The following TRIM56 variants were observed in gnomAD, a reference collection of about 807,000 sequenced individuals.
TRIM56 encodes tripartite motif containing 56.
Under a neutral mutation model 17.1 loss-of-function variants are expected in TRIM56, and 10 were observed. That is an observed-to-expected ratio of 0.58 (90% CI 0.36 to 0.99). TRIM56 has a LOEUF of 0.99. Ranked by LOEUF, TRIM56 falls within the 50% of genes least tolerant of loss-of-function variation. The probability of loss-of-function intolerance (pLI) is 0.01; values close to 1 mark genes in which losing one functional copy is unlikely to be tolerated. For synonymous variants in TRIM56, 503 were observed against 473.5 expected (o/e 1.06, Z -0.81); for missense variants, 923 against 1,052.3 (o/e 0.88, Z 1.70).
chr7:101,090,623 A>C lies in TRIM56; in HGVS notation c.*1043A>C, dbSNP rs554311583. The C allele has an allele frequency of 5.0e-4, 75 of 151,074 alleles. 2 individuals carry two copies. In the South Asian group the frequency reaches 8.8e-3, roughly 18 times the overall value. The allele number at this position is 151,074 out of a possible 1,614,324, so 9.4% of individuals were successfully genotyped here. On this transcript the variant is annotated 3_prime_UTR_variant, in exon 3 of 3. Transcript: ENST00000306085. The stretch of plus-strand genomic sequence containing the variant: ...CCCATCTCGAAAAAAAAAAAAAAAA[A>C]AAAAAACAGAAACAACAGAAAAAGC...
chr7:101,089,085 CCACGCGGTG>C lies in TRIM56; in HGVS notation c.1774_1782del (p.His592_Val594del). On this transcript the variant is annotated inframe_deletion, in exon 3 of 3. Coordinates refer to ENST00000306085, the MANE Select transcript of TRIM56 (RefSeq NM_030961.3). The stretch of plus-strand genomic sequence containing the variant: ...GGGCCCTGAGCCTCTCCCAGGCCAG[CCACGCGGTG>C]GCGGCACTGCCTAGCGGGGACCGCG... 6.3e-7 allele frequency: 1 copy of C among 1,598,184 alleles called. No individual in the cohort carries two copies. The highest frequency in any genetic ancestry group is 8.5e-7 in the Non-Finnish European group (1 of 1,174,570).
rs1795568213 is a variant in TRIM56, at chr7:101,091,757, C to A, written c.*2177C>A. 6.8e-6 allele frequency: 3 copies of A among 441,472 alleles called. No individual in the cohort carries two copies. Among genetic ancestry groups the A allele is most frequent in the Non-Finnish European group, 1.3e-5 (3 of 223,742 alleles). The allele number at this position is 441,472 out of a possible 1,614,324, so 27.3% of individuals were successfully genotyped here. ...AAAAAGAAAAAGAAAAGAAAGAAAA[C>A]CAAGGTCCCTCTCCCTCTCCCTCTC... On this transcript the variant is annotated 3_prime_UTR_variant, in exon 3 of 3. Coordinates refer to ENST00000306085, the MANE Select transcript of TRIM56 (RefSeq NM_030961.3).
chr7:101,089,220 G>A lies in TRIM56; in HGVS notation c.1908G>A (p.Ala636=), dbSNP rs201121649. 4.3e-4 allele frequency: 696 copies of A among 1,613,734 alleles called. No individual in the cohort carries two copies. The highest frequency in any genetic ancestry group is 5.6e-4 in the Non-Finnish European group (662 of 1,179,762). Residue 636 remains alanine (A), a synonymous_variant, in exon 3 of 3, where the codon GCG becomes GCA. Coordinates refer to ENST00000306085, the MANE Select transcript of TRIM56 (RefSeq NM_030961.3). ...GCAAGGCCAGCCGGGGCCTGCGGGC[G>A]CTGGTGTTTCTGACCACCAGCCCCC... The part of the protein sequence containing the change: ...PGGKASRGLR[A]LVFLTTSPQG...
chr7:101,092,757 T>TG lies in TRIM56; in HGVS notation c.*3183dup, dbSNP rs918076577. On this transcript the variant is annotated 3_prime_UTR_variant, in exon 3 of 3. Transcript: ENST00000306085. ...CCCGGCCGCTGTCCCGTCCGGGAGG[T>TG]GGGGGGTCGCCTCTGCCCGGCCGCC... 4.1e-5 allele frequency: 5 copies of TG among 120,686 alleles called. No homozygotes were observed. The highest frequency in any genetic ancestry group is 7.0e-5 in the African/African-American group (2 of 28,688). 7.5% of individuals were successfully genotyped at this position (120,686 alleles called of 1,614,324 possible).
intron 1 of TRIM56, 141 bp downstream of exon 1, chr7:101,085,712 G>T: frequency 6.6e-6 from 1 of 152,228 alleles, no homozygotes; most frequent in Non-Finnish European, 1.5e-5. Flanking sequence ...AGGAGGAGAG[G>T]GCAGGAGGGA....
In TRIM56 at chr7:101,088,905, G is replaced by T; in HGVS notation, c.1593G>T (p.Leu531=). ...ILVADEQNRA[L]KRFSLNGDYK... ...TGGCGGATGAGCAGAACCGGGCACT[G>T]AAACGCTTCTCCCTCAACGGCGACT... The change falls in exon 3 of 3, where the codon CTG becomes CTT. Residue 531 remains leucine (L), a synonymous_variant. Transcript: ENST00000306085. The T allele has an allele frequency of 6.2e-7, 1 of 1,613,898 alleles. No homozygotes were observed. Among genetic ancestry groups the T allele is most frequent in the Non-Finnish European group, 8.5e-7 (1 of 1,180,036 alleles).
Position 101,093,945 on chromosome 7 carries a change from G to A in TRIM56, c.*4365G>A, listed in dbSNP as rs888723900. The A allele has an allele frequency of 6.6e-6, 1 of 152,204 alleles. No homozygotes were observed. 9.4% of individuals were successfully genotyped at this position (152,204 alleles called of 1,614,324 possible). A position where few individuals can be genotyped will look rare whatever the true frequency, so the allele number is the denominator to read the frequency against. ...CTCCTGGCACTATAAAAATGATCCTGGAGAATAATTTGGCTAGACTTTGCA... is the reference window on the plus strand; with the variant it reads ...CTCCTGGCACTATAAAAATGATCCTAGAGAATAATTTGGCTAGACTTTGCA... On this transcript the variant is annotated 3_prime_UTR_variant, in exon 3 of 3. Transcript: ENST00000306085.
rs1253418938 is a variant in TRIM56, at chr7:101,087,823, C to T, written c.511C>T (p.Gln171Ter). 9 of 1,604,416 alleles carry T rather than the reference C, an allele frequency of 5.6e-6. No homozygotes were observed. Among genetic ancestry groups the T allele is most frequent in the African/African-American group, 1.3e-5 (1 of 74,838 alleles). The change falls in exon 3 of 3, where the codon CAG becomes TAG. Residue 171 changes from glutamine (Q) to a stop codon, truncating the protein, a stop_gained. Transcript: ENST00000306085. LOFTEE classifies it low-confidence loss of function (END_TRUNC). ...ARERQAAQCP[Q>*]HPGEALRFLC... ...GGAGCGCCAAGCGGCCCAGTGTCCC[C>T]AGCACCCCGGGGAGGCACTGCGCTT...
In TRIM56 at chr7:101,095,151, A is replaced by C. The variant is rs936217512; in HGVS notation, c.*5571A>C. 6.6e-6 allele frequency: 1 copy of C among 151,770 alleles called. No homozygotes were observed. Among genetic ancestry groups the C allele is most frequent in the Non-Finnish European group, 1.5e-5 (1 of 68,056 alleles). 9.4% of individuals were successfully genotyped at this position (151,770 alleles called of 1,614,324 possible). A position where few individuals can be genotyped will look rare whatever the true frequency, so the allele number is the denominator to read the frequency against. Reference sequence around the variant, plus strand: ...CACTTTGCGTGGCCAAGGCGGGAGGATGTCTTGAGGCCAGGAGTTCAAGAC... The same window carrying C: ...CACTTTGCGTGGCCAAGGCGGGAGGCTGTCTTGAGGCCAGGAGTTCAAGAC... On this transcript the variant is annotated 3_prime_UTR_variant, in exon 3 of 3. Transcript: ENST00000306085.
chr7:101,085,900 G>C (rs1795438251), intron 1 of TRIM56, among the ~76,000 whole-genome samples: 1 of 152,166 alleles, frequency 6.6e-6, no homozygotes, highest in Non-Finnish European at 1.5e-5. Flanking sequence ...AGAGGTTTCT[G>C]GAATGCATTC....
In TRIM56 at chr7:101,089,371, GA is replaced by G; in HGVS notation, c.2060del (p.Asp687ValfsTer8). On this transcript the variant is annotated frameshift_variant, in exon 3 of 3. Transcript: ENST00000306085. LOFTEE classifies it high-confidence loss of function. ...CTGCCAGCCGGGCTCCGTGTCTGTGGATAAGAAGGGCTACATCTTTCTGACC... is the reference window on the plus strand; with the variant it reads ...CTGCCAGCCGGGCTCCGTGTCTGTGGTAAGAAGGGCTACATCTTTCTGACC... The part of the protein sequence containing the change: ...HGCQPGSVSV[D>X]KKGYIFLTLR... The G allele has an allele frequency of 1.2e-6, 2 of 1,612,292 alleles. No homozygotes were observed. Among genetic ancestry groups the G allele is most frequent in the Non-Finnish European group, 1.7e-6 (2 of 1,178,500 alleles).
In TRIM56 at chr7:101,089,564, G is replaced by A. The variant is rs546901188; in HGVS notation, c.2252G>A (p.Arg751His). The A allele has an allele frequency of 4.1e-5, 66 of 1,613,766 alleles. No individual in the cohort carries two copies. Among genetic ancestry groups the A allele is most frequent in the South Asian group, 4.1e-4 (37 of 91,036 alleles). The change falls in exon 3 of 3, where the codon CGT becomes CAT. Residue 751 changes from arginine to histidine, a missense_variant. Arg to His is a conservative substitution (Grantham distance 29). Transcript: ENST00000306085. ...GGGACCATCCACATCTTTCGGGTCC[G>A]TTCTCCGGACAGTTAAAGGGGCTAG... ...SNGTIHIFRVRSPDS is the reference protein window; with the variant it reads ...SNGTIHIFRVHSPDS
rs865913980 is a variant in TRIM56 at position 101,097,426 on chromosome 7, G to A, written c.*7846G>A. Reference sequence around the variant, plus strand: ...TTCAGATGCAGACTTGGGAAAGTAGGTAACTTGACCAAAGGTAGCAAAATT... The same window carrying A: ...TTCAGATGCAGACTTGGGAAAGTAGATAACTTGACCAAAGGTAGCAAAATT... On this transcript the variant is annotated 3_prime_UTR_variant, in exon 3 of 3. Transcript: ENST00000306085. The A allele has an allele frequency of 2.2e-4, 34 of 152,178 alleles. No homozygotes were observed. Among genetic ancestry groups the A allele is most frequent in the African/African-American group, 8.2e-4 (34 of 41,444 alleles). The allele number at this position is 152,178 out of a possible 1,614,324, so 9.4% of individuals were successfully genotyped here. A position where few individuals can be genotyped will look rare whatever the true frequency, so the allele number is the denominator to read the frequency against.
Position 101,090,870 on chromosome 7 carries a change from C to T in TRIM56, c.*1290C>T, listed in dbSNP as rs1463861916. 2 of 152,068 alleles carry T rather than the reference C, an allele frequency of 1.3e-5. No individual in the cohort carries two copies. Among genetic ancestry groups the T allele is most frequent in the Admixed American group, 6.6e-5 (1 of 15,238 alleles). The allele number at this position is 152,068 out of a possible 1,614,324, so 9.4% of individuals were successfully genotyped here. ...CCATTTCCCAGGGTCTATGTGTTGC[C>T]TTCTCTTCATTTTCCAGCAAAATTC... On this transcript the variant is annotated 3_prime_UTR_variant, in exon 3 of 3. Transcript: ENST00000306085.
In TRIM56 at chr7:101,088,327, C is replaced by T. The variant is rs1795491756; in HGVS notation, c.1015C>T (p.Pro339Ser). Residue 339 changes from proline (P) to serine (S), a missense_variant, in exon 3 of 3, where the codon CCC (proline) becomes TCC (serine). Pro to Ser is a moderately conservative substitution (Grantham distance 74). Transcript: ENST00000306085. ...GCGGCTCAGGCAGCTGCAGGGCTGC[C>T]CCTGGGCACCAGGCCCGGCCCCCTG... ...AQRLRQLQGC[P>S]WAPGPAPCLL... The T allele has an allele frequency of 1.3e-6, 2 of 1,529,654 alleles. No individual in the cohort carries two copies. Among genetic ancestry groups the T allele is most frequent in the Non-Finnish European group, 8.7e-7 (1 of 1,143,240 alleles). 94.8% of individuals were successfully genotyped at this position (1,529,654 alleles called of 1,614,324 possible). A position where few individuals can be genotyped will look rare whatever the true frequency, so the allele number is the denominator to read the frequency against.
rs1795465676 is a variant in TRIM56, at chr7:101,087,350, C to T, written c.38C>T (p.Ala13Val). Residue 13 changes from alanine (A) to valine (V), a missense_variant, in exon 3 of 3, where the codon GCC becomes GTC. This residue lies in a region of TRIM56 where 98 missense variants were observed against 143.6 expected (regional missense o/e 0.68). Transcript: ENST00000306085. ...SHGSSPSLLE[A>V]LSSDFLACKI... ...GGGTCCTCGCCCTCCCTCCTGGAGG[C>T]CCTGAGCAGCGACTTCCTGGCCTGT... 3.1e-6 allele frequency: 5 copies of T among 1,612,890 alleles called. No individual in the cohort carries two copies. The highest frequency in any genetic ancestry group is 4.2e-6 in the Non-Finnish European group (5 of 1,179,976).
rs1043724743 is a variant in TRIM56 at position 101,087,048 on chromosome 7, G to A, written c.-122G>A. 1.4e-5 allele frequency: 7 copies of A among 492,584 alleles called. No homozygotes were observed. Among genetic ancestry groups the A allele is most frequent in the East Asian group, 6.8e-5 (2 of 29,462 alleles). 30.5% of individuals were successfully genotyped at this position (492,584 alleles called of 1,614,324 possible). On this transcript the variant is annotated 5_prime_UTR_variant, in exon 2 of 3. Coordinates refer to ENST00000306085, the MANE Select transcript of TRIM56 (RefSeq NM_030961.3). ...CAACAAGTAGCACTGACATTTTTAC[G>A]TTTGCTGGATGTACACACGGAAGTG... is the stretch of plus-strand genomic sequence containing the variant.
rs1164911667 is a variant in TRIM56 at position 101,089,623 on chromosome 7, C to A, written c.*43C>A. On this transcript the variant is annotated 3_prime_UTR_variant, in exon 3 of 3. Transcript: ENST00000306085. ...TGAGAGGGAGTGGGGAGGGAGAGGG[C>A]AGGAAGGAGGCAGAGCTGTCCGTGG... 4 of 1,552,688 alleles carry A rather than the reference C, an allele frequency of 2.6e-6. No homozygotes were observed. The East Asian group carries it at 6.9e-5, about 27-fold the overall frequency.
chr7:101,094,588 A>T lies in TRIM56; in HGVS notation c.*5008A>T, dbSNP rs1364917186. 6.6e-6 allele frequency: 1 copy of T among 152,148 alleles called. No individual in the cohort carries two copies. The highest frequency in any genetic ancestry group is 1.5e-5 in the Non-Finnish European group (1 of 68,050). The allele number at this position is 152,148 out of a possible 1,614,324, so 9.4% of individuals were successfully genotyped here. On this transcript the variant is annotated 3_prime_UTR_variant, in exon 3 of 3. Coordinates refer to ENST00000306085, the MANE Select transcript of TRIM56 (RefSeq NM_030961.3). ...GGCAGGAGCCAGGGAGGAGGATCCC[A>T]CCCGGCCGGGGCTCAGCCAGGAGGC...
Sources: allele counts gnomAD v4.1 joint callset (sites outside exome capture counted in the v4.1 genomes callset), GRCh38; gene constraint gnomAD v4.1.1; regional missense constraint gnomAD v4.1.1; transcripts MANE v1.5; gene names NCBI Gene and HGNC (gene_info 2026-07-23, HGNC 2026-07-21).